The following NEK11 variants were observed in gnomAD, a reference collection of about 807,000 sequenced individuals.
The protein encoded by NEK11 is serine/threonine-protein kinase Nek11.
NEK11 carries 72 observed loss-of-function variants against 80.7 expected under a neutral mutation model. That is an observed-to-expected ratio of 0.89 (90% CI 0.74 to 1.08). The LOEUF is 1.08. NEK11 is among the 50% of genes least tolerant of loss of function. The pLI, the probability that NEK11 is intolerant of heterozygous loss-of-function variation, is 0.00. For missense variants in NEK11, 764 were observed against 763.6 expected, an observed-to-expected ratio of 1.00 and a Z score of -0.01; for synonymous variants, 251 against 260.7, an observed-to-expected ratio of 0.96 and a Z score of 0.36.
intron 14 of NEK11, among the ~76,000 whole-genome samples, chr3:131,215,352 A>G (rs1017474728): frequency 6.6e-6 from 1 of 152,102 alleles, no homozygotes; most frequent in Admixed American, 6.5e-5. Flanking sequence ...CAGCACACCA[A>G]CATGGCACAC....
intron 5 of NEK11, among the ~76,000 whole-genome samples, chr3:131,115,960 T>TTCTTTCTTTCTTTCTTTCTTTCTTTC (rs1553878538): frequency 4.6e-4 from 65 of 142,598 alleles, no homozygotes; most frequent in African/African-American, 1.1e-3. Flanking sequence ...CTTTCTTTCT[T>TTCTTTCTTTCTTTCTTTCTTTCTTTC]TCTTTCTTTC....
At chr3:131,133,774 C>T in intron 6 of NEK11, 56 bp from the exon 7 acceptor site, 2 of 1,462,716 alleles carry the variant, frequency 1.4e-6, no homozygotes, top group Non-Finnish European at 1.9e-6. Flanking sequence ...TGTTAATTTC[C>T]AGGGCTAATT....
chr3:131,317,071 T>C (rs183158684), intron 17 of NEK11, among the ~76,000 whole-genome samples: 1 of 152,298 alleles, frequency 6.6e-6, no homozygotes, highest in African/African-American at 2.4e-5. Flanking sequence ...AGGCAATAAT[T>C]TCCTTTTTGT....
intron 3 of NEK11, among the ~76,000 whole-genome samples, chr3:131,054,131 G>A (rs908569226): frequency 1.2e-4 from 18 of 152,246 alleles, no homozygotes; most frequent in Non-Finnish European, 2.1e-4. Flanking sequence ...CTGGTGGATC[G>A]GTTGAATCCA....
intron 3 of NEK11, among the ~76,000 whole-genome samples, chr3:131,050,559 G>C (rs2068203834): frequency 6.6e-6 from 1 of 152,182 alleles, no homozygotes; most frequent in South Asian, 2.1e-4. Context: ...CTTACACCTA[G>C]AGTATCTTCT....
intron 16 of NEK11, among the ~76,000 whole-genome samples, chr3:131,255,096 GAAA>G (rs1561221790): frequency 1.3e-5 from 2 of 148,416 alleles, no homozygotes; most frequent in Non-Finnish European, 3.0e-5. Context: ...AAGAAAGAAA[GAAA>G]GAAAGAAAGA....
Position 131,331,607 on chromosome 3 carries a change from C to T in NEK11, c.1719-17950C>T, listed in dbSNP as rs557228393. On this transcript the variant is annotated intron_variant, in intron 17 of 17. Coordinates refer to ENST00000383366, the MANE Select transcript of NEK11 (RefSeq NM_024800.5). Reference sequence around the variant, plus strand: ...TCACTAGGGAGTGCCAGACAGTGGGCGCAGGACAGTGGGTGCAGCGCACCG... The same window carrying T: ...TCACTAGGGAGTGCCAGACAGTGGGTGCAGGACAGTGGGTGCAGCGCACCG... Among the ~76,000 whole-genome samples, 130 of 152,230 alleles carry T rather than the reference C, an allele frequency of 8.5e-4. No homozygotes were observed. In the South Asian group the frequency reaches 9.5e-3, roughly 11 times the overall value.
intron 4 of NEK11, among the ~76,000 whole-genome samples, chr3:131,100,316 G>T (rs2078174855): frequency 6.6e-6 from 1 of 152,244 alleles, no homozygotes; most frequent in South Asian, 2.1e-4. Flanking sequence ...GCCTACTTGG[G>T]CCAGGCATGA....
chr3:131,154,523 G>A (rs2149834490), intron 9 of NEK11, among the ~76,000 whole-genome samples: 1 of 152,232 alleles, frequency 6.6e-6, no homozygotes, highest in South Asian at 2.1e-4. Context: ...GCAAGTTCAG[G>A]GTTGGATCCT....
chr3:131,124,969 A>G (rs1211696701), intron 5 of NEK11, among the ~76,000 whole-genome samples: 1 of 152,148 alleles, frequency 6.6e-6, no homozygotes, highest in African/African-American at 2.4e-5. Context: ...AAATAGTAGT[A>G]TAGTGCTTAG....
intron 14 of NEK11, among the ~76,000 whole-genome samples, chr3:131,181,543 G>A (rs1245476143): frequency 1.3e-5 from 2 of 152,002 alleles, no homozygotes; most frequent in African/African-American, 2.4e-5. Flanking sequence ...TCAGGAGATG[G>A]AGACCATCCT....
rs2093309483 is a variant in NEK11 at position 131,180,911 on chromosome 3, C to T, written c.1399+10024C>T. 3.3e-5 allele frequency among the ~76,000 whole-genome samples: 5 copies of T among 152,140 alleles called. 1 individual carries two copies. In the South Asian group the frequency reaches 1.0e-3, roughly 31 times the overall value. Reference sequence around the variant, plus strand: ...GGGGCCATATGAAGCCTTGCTAAAACTGCTGGAGGACAGGGTTATATTTGT... The same window carrying T: ...GGGGCCATATGAAGCCTTGCTAAAATTGCTGGAGGACAGGGTTATATTTGT... On this transcript the variant is annotated intron_variant, in intron 14 of 17. Coordinates refer to ENST00000383366, the MANE Select transcript of NEK11 (RefSeq NM_024800.5).
At chr3:131,089,172 G>A (rs966588381) in intron 4 of NEK11, among the ~76,000 whole-genome samples, 1 of 152,188 alleles carries the variant, frequency 6.6e-6, no homozygotes, top group Admixed American at 6.5e-5. Flanking sequence ...ATGCCTCAAA[G>A]TTTGTTCCAT....
chr3:131,056,938 C>A (rs2069627917), intron 3 of NEK11, among the ~76,000 whole-genome samples: 1 of 151,532 alleles, frequency 6.6e-6, no homozygotes, highest in Non-Finnish European at 1.5e-5. Context: ...GCACAATGTG[C>A]AGGTTAGTTA....
chr3:131,281,908 A>AT (rs1452686534), intron 17 of NEK11, among the ~76,000 whole-genome samples: 1 of 152,184 alleles, frequency 6.6e-6, no homozygotes, highest in Non-Finnish European at 1.5e-5. Context: ...TTAGGAAGCT[A>AT]TATTTTCATG....
intron 14 of NEK11, among the ~76,000 whole-genome samples, chr3:131,188,649 C>T (rs993171370): frequency 3.5e-4 from 53 of 152,148 alleles, no homozygotes; most frequent in African/African-American, 1.2e-3. Context: ...CTTTCATATC[C>T]TTTAGAAAAA....
intron 17 of NEK11, 35 bp downstream of exon 17, chr3:131,273,609 C>T (rs2096241020): frequency 2.2e-5 from 33 of 1,495,536 alleles, no homozygotes; most frequent in Non-Finnish European, 3.1e-5. Context: ...TAGGAAGGTG[C>T]AGTGTTAAAG....
chr3:131,160,923 G>A (rs1373243319), intron 10 of NEK11, among the ~76,000 whole-genome samples: 1 of 152,148 alleles, frequency 6.6e-6, no homozygotes, highest in Non-Finnish European at 1.5e-5. Flanking sequence ...GATTCATAGG[G>A]CAAGTTCTCA....
intron 17 of NEK11, among the ~76,000 whole-genome samples, chr3:131,332,598 C>T (rs566596227): frequency 1.2e-4 from 18 of 152,188 alleles, no homozygotes; most frequent in East Asian, 5.8e-4. Flanking sequence ...TCACCAGCAA[C>T]GGAACAAAGC....
Sources: gnomAD v4.1 joint callset for allele counts (sites outside exome capture counted in the v4.1 genomes callset) on GRCh38, gnomAD v4.1.1 for gene constraint, MANE v1.5 for transcripts, NCBI Gene and HGNC (gene_info 2026-07-23, HGNC 2026-07-21) for gene names.